Variants in SH3KBP1 observed in about 807,000 individuals in gnomAD.
SH3KBP1 encodes SH3 domain-containing kinase-binding protein 1.
A neutral mutation model predicts 50.1 loss-of-function variants in SH3KBP1; 8 were observed. The ratio of observed to expected loss-of-function variants is 0.16; its 90% CI spans 0.09 to 0.29. SH3KBP1 has a LOEUF of 0.29. Among genes scored for constraint, SH3KBP1 ranks in the 10% least tolerant of loss-of-function variants. The pLI is 1.00. For missense variants in SH3KBP1, 377 were observed against 535.2 expected (o/e 0.70, Z 2.92); for synonymous variants, 227 against 218.6 (o/e 1.04, Z -0.34).
chrX:19,875,097 T>TC (rs1288524548), intron 1 of SH3KBP1, among the ~76,000 whole-genome samples: 1 of 110,780 alleles, frequency 9.0e-6, no homozygotes, highest in Non-Finnish European at 1.9e-5. Flanking sequence ...TTTTACAATG[T>TC]CTACATCTCT....
intron 3 of SH3KBP1, among the ~76,000 whole-genome samples, chrX:19,742,869 T>C (rs2064811687): frequency 8.9e-6 from 1 of 112,181 alleles, no homozygotes; most frequent in Non-Finnish European, 1.9e-5. Flanking sequence ...CTGGGATAAC[T>C]TCAGAACATA....
At chrX:19,878,870 A>G (rs1366837834) in intron 1 of SH3KBP1, among the ~76,000 whole-genome samples, 2 of 112,684 alleles carry the variant, frequency 1.8e-5, no homozygotes, top group East Asian at 5.5e-4. Flanking sequence ...TAAAATTAAT[A>G]ATGTACCAAA....
chrX:19,862,294 T>A (rs1209382698), intron 1 of SH3KBP1, among the ~76,000 whole-genome samples: 3 of 112,347 alleles, frequency 2.7e-5, no homozygotes, highest in African/African-American at 9.7e-5. Context: ...TTGTTAATTG[T>A]CAGTCCTCTT....
rs761148491 is a variant in SH3KBP1 at position 19,883,247 on chromosome X, T to G, written c.4+4060A>C. The stretch of plus-strand genomic sequence containing the variant: ...CTCTAACGGGTTGCAGGGGAGGCTG[T>G]GCTACTGGCCTGGGGCCACCCTCTG... On this transcript the variant is annotated intron_variant, in intron 1 of 17. Coordinates refer to ENST00000397821, the MANE Select transcript of SH3KBP1 (RefSeq NM_031892.3). Among the ~76,000 whole-genome samples the G allele has an allele frequency of 1.5e-3, 164 of 112,614 alleles. 1 individual carries two copies. The highest frequency in any genetic ancestry group is 5.2e-3 in the African/African-American group (160 of 31,023).
intron 1 of SH3KBP1, among the ~76,000 whole-genome samples, chrX:19,842,399 G>A (rs1481008438): frequency 3.6e-5 from 4 of 110,840 alleles, no homozygotes; most frequent in Non-Finnish European, 7.6e-5. Flanking sequence ...GGTGGCACGT[G>A]CCTGTAATCC....
At chrX:19,728,334 C>G (rs138089797) in intron 3 of SH3KBP1, among the ~76,000 whole-genome samples, 19,884 of 110,872 alleles carry the variant, frequency 0.18, 1,564 homozygotes, top group African/African-American at 0.29. Context: ...TGGATTTTCA[C>G]ATTTGGGATG....
intron 2 of SH3KBP1, among the ~76,000 whole-genome samples, chrX:19,797,890 AACAC>A (rs60418789): frequency 7.1e-4 from 69 of 97,326 alleles, no homozygotes; most frequent in Non-Finnish European, 9.6e-4. Flanking sequence ...AAGTGCCCTA[AACAC>A]ACACACACAC....
At chrX:19,861,333 C>T (rs989842462) in intron 1 of SH3KBP1, among the ~76,000 whole-genome samples, 6 of 109,358 alleles carry the variant, frequency 5.5e-5, no homozygotes, top group African/African-American at 6.7e-5. Context: ...GCCGAGATCC[C>T]GCCACTGCAC....
intron 9 of SH3KBP1, among the ~76,000 whole-genome samples, chrX:19,596,797 T>C (rs368123373): frequency 1.8e-5 from 2 of 112,334 alleles, no homozygotes; most frequent in East Asian, 5.5e-4. Context: ...TCTTCATTCA[T>C]TCAAGGTTGA....
chrX:19,734,288 G>A (rs1375198260), intron 3 of SH3KBP1, among the ~76,000 whole-genome samples: 1 of 111,544 alleles, frequency 9.0e-6, no homozygotes, highest in Non-Finnish European at 1.9e-5. Context: ...GTCACCCTTA[G>A]CAAAACAGTG....
intron 2 of SH3KBP1, among the ~76,000 whole-genome samples, chrX:19,802,107 T>C (rs1020519789): frequency 1.9e-5 from 2 of 107,281 alleles, no homozygotes; most frequent in African/African-American, 3.4e-5. Flanking sequence ...GGAACATGCC[T>C]GGAGGCTCAG....
intron 1 of SH3KBP1, among the ~76,000 whole-genome samples, chrX:19,864,114 C>T (rs913608561): frequency 9.0e-6 from 1 of 111,235 alleles, no homozygotes; most frequent in African/African-American, 3.3e-5. Context: ...ATCAAAACTC[C>T]AGGACCACCC....
intron 3 of SH3KBP1, among the ~76,000 whole-genome samples, chrX:19,734,933 T>C (rs1265339485): frequency 8.9e-6 from 1 of 112,332 alleles, no homozygotes; most frequent in African/African-American, 3.2e-5. Flanking sequence ...TTTGGGTTGT[T>C]GCCACTGTTT....
At chrX:19,608,775 C>T (rs2067319242) in intron 8 of SH3KBP1, among the ~76,000 whole-genome samples, 1 of 112,395 alleles carries the variant, frequency 8.9e-6, no homozygotes, top group Admixed American at 9.4e-5. Flanking sequence ...TTGTGACAGT[C>T]AGCCAACCAG....
intron 8 of SH3KBP1, among the ~76,000 whole-genome samples, chrX:19,621,377 C>A (rs557473950): frequency 1.8e-5 from 2 of 109,367 alleles, no homozygotes; most frequent in South Asian, 7.9e-4. Flanking sequence ...GCGTGAGCCA[C>A]CATGCCCGGT....
At chrX:19,681,989 G>A (rs1323030892) in intron 6 of SH3KBP1, among the ~76,000 whole-genome samples, 1 of 110,936 alleles carries the variant, frequency 9.0e-6, no homozygotes, top group Non-Finnish European at 1.9e-5. Flanking sequence ...ACATATTTAG[G>A]AGGCAGAGCT....
chrX:19,721,282 T>C (rs1361901221), intron 3 of SH3KBP1, among the ~76,000 whole-genome samples: 1 of 111,531 alleles, frequency 9.0e-6, no homozygotes, highest in African/African-American at 3.3e-5. Flanking sequence ...GAAAAATACA[T>C]CTTTTACTAT....
chrX:19,543,444 G>C (rs770652223), intron 15 of SH3KBP1, among the ~76,000 whole-genome samples: 43 of 111,844 alleles, frequency 3.8e-4, no homozygotes, highest in Admixed American at 9.5e-5. Context: ...GAACGAAGTG[G>C]TTGCATGCGT....
At position 19,817,608 on chromosome X, in the gene SH3KBP1, T is replaced by C. The variant is rs181817694; in HGVS notation, c.162+18517A>G. On this transcript the variant is annotated intron_variant, in intron 2 of 17. Transcript: ENST00000397821. ...ATTATAATACCATACTTCTATTGTA[T>C]TAAGTACATTTTTTATATTTATATA... 2.4e-3 allele frequency among the ~76,000 whole-genome samples: 274 copies of C among 112,197 alleles called. 1 individual carries two copies. Among genetic ancestry groups the C allele is most frequent in the African/African-American group, 8.3e-3 (257 of 30,897 alleles).
Sources: allele counts gnomAD v4.1 joint callset (sites outside exome capture counted in the v4.1 genomes callset), GRCh38; gene constraint gnomAD v4.1.1; transcripts MANE v1.5; gene names NCBI Gene and HGNC (gene_info 2026-07-23, HGNC 2026-07-21).